Variants in DYNC2H1 observed in about 807,000 individuals in gnomAD.
DYNC2H1 encodes the protein dynein cytoplasmic 2 heavy chain 1, also known as cytoplasmic dynein 2 heavy chain 1.
A neutral mutation model predicts 570.0 loss-of-function variants in DYNC2H1; 410 were observed. The ratio of observed to expected loss-of-function variants is 0.72; its 90% CI spans 0.66 to 0.78. The LOEUF (loss-of-function observed/expected upper bound fraction) is 0.78. Among genes scored for constraint, DYNC2H1 ranks in the 30% least tolerant of loss-of-function variants. The probability of loss-of-function intolerance (pLI) is 0.00; values close to 1 mark genes in which losing one functional copy is unlikely to be tolerated. For missense variants in DYNC2H1, 4,865 were observed against 5,046.4 expected, an observed-to-expected ratio of 0.96 and a Z score of 1.09; for synonymous variants, 1,688 against 1,677.6, an observed-to-expected ratio of 1.01 and a Z score of -0.15.
chr11:103,338,235 C>T (rs914672172), intron 82 of DYNC2H1, among the ~76,000 whole-genome samples: 3 of 152,070 alleles, frequency 2.0e-5, no homozygotes, highest in African/African-American at 7.2e-5. Context: ...CTCTATGTGT[C>T]TGTTTTTATG....
chr11:103,160,197 AT>A (rs1198172967), intron 28 of DYNC2H1, among the ~76,000 whole-genome samples: 1 of 152,128 alleles, frequency 6.6e-6, no homozygotes, highest in Non-Finnish European at 1.5e-5. Context: ...TATATTGCAA[AT>A]AATAATATAG....
intron 30 of DYNC2H1, 34 bp from the exon 31 acceptor site, chr11:103,165,864 C>A (rs747519172): frequency 1.4e-6 from 2 of 1,407,568 alleles, no homozygotes; most frequent in South Asian, 3.2e-5. Context: ...AGTAAATTCA[C>A]CTTTTAAAAA....
rs1280728522 is a variant in DYNC2H1, at chr11:103,120,436, C to T, written c.1000-11C>T. ...TTAAATAAATTCTGTTGTTTTAATA[C>T]TTCATTTTAGGTCTTGGCTATTAGA... On this transcript the variant is annotated splice_polypyrimidine_tract_variant and intron_variant, in intron 6 of 88. Coordinates refer to ENST00000375735, the MANE Select transcript of DYNC2H1 (RefSeq NM_001377.3). 2 of 1,593,860 alleles carry T rather than the reference C, an allele frequency of 1.3e-6. No homozygotes were observed. Among genetic ancestry groups the T allele is most frequent in the Middle Eastern group, 3.3e-4 (2 of 5,976 alleles).
At chr11:103,121,983 C>A (rs1858743797) in intron 10 of DYNC2H1, among the ~76,000 whole-genome samples, 1 of 151,860 alleles carries the variant, frequency 6.6e-6, no homozygotes, top group South Asian at 2.1e-4. Context: ...TTAGTAGTTG[C>A]AAAGTCTTAC....
chr11:103,236,285 G>T, intron 62 of DYNC2H1, 145 bp from the exon 63 acceptor site: 1 of 558,014 alleles, frequency 1.8e-6, no homozygotes, highest in Admixed American at 3.6e-5. Flanking sequence ...TTTTTTCTCC[G>T]TGGGTTTGGG....
In DYNC2H1 at chr11:103,234,087, C is replaced by T; in HGVS notation, c.9494C>T (p.Ala3165Val). The T allele has an allele frequency of 6.4e-7, 1 of 1,568,272 alleles. No homozygotes were observed. Among genetic ancestry groups the T allele is most frequent in the Non-Finnish European group, 8.7e-7 (1 of 1,155,372 alleles). ...AAACTTGAGGCTGAAGTAAGCAAGG[C>T]ACAAGAAACAATCAAAGCTGCAGAA... ...AAKLEAEVSKAQETIKAAEVL... is the reference protein window; with the variant it reads ...AAKLEAEVSKVQETIKAAEVL... The change falls in exon 61 of 89, where the codon GCA (alanine) becomes GTA (valine). Residue 3165 changes from alanine to valine, a missense_variant. By Grantham distance (64) the Ala-to-Val change is moderately conservative. This residue lies in a region of DYNC2H1 where 2,401 missense variants were observed against 2,454.6 expected (regional missense o/e 0.98). Coordinates refer to ENST00000375735, the MANE Select transcript of DYNC2H1 (RefSeq NM_001377.3).
At chr11:103,478,843 T>C (rs1945650709) in intron 88 of DYNC2H1, among the ~76,000 whole-genome samples, 1 of 152,176 alleles carries the variant, frequency 6.6e-6, no homozygotes. Context: ...TATATGTAAA[T>C]ATTTATAGGT....
intron 83 of DYNC2H1, among the ~76,000 whole-genome samples, chr11:103,388,012 A>G (rs1186750819): frequency 1.3e-5 from 2 of 152,088 alleles, no homozygotes; most frequent in Non-Finnish European, 2.9e-5. Flanking sequence ...TATGAACTTT[A>G]AAGTAGTTTT....
At chr11:103,222,260 G>A in intron 58 of DYNC2H1, 107 bp downstream of exon 58, 1 of 767,386 alleles carries the variant, frequency 1.3e-6, no homozygotes, top group African/African-American at 1.8e-5. Flanking sequence ...ACCTAAAAAT[G>A]AAAATAAAAA....
chr11:103,392,998 C>T (rs773797381), intron 83 of DYNC2H1, among the ~76,000 whole-genome samples: 4 of 152,142 alleles, frequency 2.6e-5, no homozygotes, highest in Non-Finnish European at 4.4e-5. Flanking sequence ...ATTCTCCTGC[C>T]TCAGCCTCCC....
Position 103,292,494 on chromosome 11 carries a change from G to A in DYNC2H1, c.11095+4889G>A, listed in dbSNP as rs532549302. On this transcript the variant is annotated intron_variant, in intron 75 of 88. Transcript: ENST00000375735. ...ACAATTTATTGTAGTTAGTATTTTT[G>A]ATAGGTATCTTTCAGACTTCATAAT... Among the ~76,000 whole-genome samples the A allele has an allele frequency of 1.3e-4, 20 of 152,190 alleles. No homozygotes were observed. The East Asian group carries it at 3.3e-3, about 25-fold the overall frequency.
At chr11:103,218,660 C>T (rs1863471923) in intron 55 of DYNC2H1, among the ~76,000 whole-genome samples, 1 of 152,112 alleles carries the variant, frequency 6.6e-6, no homozygotes, top group Non-Finnish European at 1.5e-5. Context: ...AAATATTCGG[C>T]ATTATGTGTG....
intron 65 of DYNC2H1, among the ~76,000 whole-genome samples, chr11:103,247,158 T>C (rs1452188574): frequency 6.6e-6 from 1 of 152,044 alleles, no homozygotes; most frequent in Non-Finnish European, 1.5e-5. Context: ...CTAATAGTTT[T>C]ACATTTTACA....
intron 76 of DYNC2H1, 57 bp downstream of exon 76, chr11:103,303,310 T>C: frequency 6.4e-7 from 1 of 1,553,256 alleles, no homozygotes; most frequent in Admixed American, 1.8e-5. Flanking sequence ...CCACACTTGA[T>C]GATATTGGTC....
intron 84 of DYNC2H1, among the ~76,000 whole-genome samples, chr11:103,415,509 C>G (rs2135701365): frequency 6.6e-6 from 1 of 152,252 alleles, no homozygotes; most frequent in South Asian, 2.1e-4. Flanking sequence ...AGACACTTCT[C>G]AAAAGAAGAC....
At chr11:103,416,701 C>T (rs1486033146) in intron 84 of DYNC2H1, among the ~76,000 whole-genome samples, 1 of 152,012 alleles carries the variant, frequency 6.6e-6, no homozygotes, top group Non-Finnish European at 1.5e-5. Context: ...AGAACCTAGG[C>T]AATACCATTC....
chr11:103,142,107 C>G (rs951175879), intron 17 of DYNC2H1, among the ~76,000 whole-genome samples: 2 of 152,246 alleles, frequency 1.3e-5, no homozygotes, highest in African/African-American at 2.4e-5. Flanking sequence ...CAGGTGCCGT[C>G]TGTCACCCCT....
In DYNC2H1 at chr11:103,256,193, C is replaced by A; in HGVS notation, c.10414C>A (p.Gln3472Lys). 6.2e-7 allele frequency: 1 copy of A among 1,607,288 alleles called. No individual in the cohort carries two copies. The highest frequency in any genetic ancestry group is 8.5e-7 in the Non-Finnish European group (1 of 1,177,096). ...NQTKASSALI[Q>K]ESLKESYKLQ... ...GACAAAAGCAAGCAGTGCACTTATT[C>A]AAGAGTCACTTAAAGAATCTTACAA... is the stretch of plus-strand genomic sequence containing the variant. The change falls in exon 68 of 89, where the codon CAA (glutamine) becomes AAA (lysine). Residue 3472 changes from glutamine (Q) to lysine (K), a missense_variant. Transcript: ENST00000375735. The surrounding 1 kb of genome is among the most constrained non-coding windows in gnomAD (Gnocchi z 4.0).
chr11:103,114,605 C>G (rs1178303002), intron 3 of DYNC2H1, among the ~76,000 whole-genome samples: 1 of 152,116 alleles, frequency 6.6e-6, no homozygotes, highest in African/African-American at 2.4e-5. Flanking sequence ...TAGTTGTGTT[C>G]TATAAAGTCA....
Sources: allele counts gnomAD v4.1 joint callset (sites outside exome capture counted in the v4.1 genomes callset), GRCh38; gene constraint gnomAD v4.1.1; regional missense constraint gnomAD v4.1.1; non-coding constraint Gnocchi (gnomAD v3.1); transcripts MANE v1.5; gene names NCBI Gene and HGNC (gene_info 2026-07-23, HGNC 2026-07-21).